Variants in KCNJ6 observed in about 807,000 individuals in gnomAD.
The protein encoded by KCNJ6 is potassium inwardly rectifying channel subfamily J member 6.
In KCNJ6, 9 loss-of-function variants were observed where a neutral mutation model predicts 34.2. The ratio of observed to expected loss-of-function variants is 0.26; its 90% CI spans 0.16 to 0.46. KCNJ6 has a LOEUF of 0.46. Ranked by LOEUF, KCNJ6 falls within the 20% of genes least tolerant of loss-of-function variation. The pLI, the probability that KCNJ6 is intolerant of heterozygous loss-of-function variation, is 1.00. For synonymous variants in KCNJ6, 196 were observed against 207.1 expected (o/e 0.95, Z 0.46); for missense variants, 236 against 531.3 (o/e 0.44, Z 5.46).
chr21:37,700,024 T>C (rs1242221239), intron 3 of KCNJ6, among the ~76,000 whole-genome samples: 1 of 152,178 alleles, frequency 6.6e-6, no homozygotes, highest in Non-Finnish European at 1.5e-5. Flanking sequence ...ACCTTATTTT[T>C]AGAAAAATCA....
intron 2 of KCNJ6, among the ~76,000 whole-genome samples, chr21:37,778,353 C>T (rs2123509466): frequency 6.6e-6 from 1 of 152,286 alleles, no homozygotes; most frequent in African/African-American, 2.4e-5. Flanking sequence ...AAAACTAGCT[C>T]TCCAAACATA....
At chr21:37,776,008 G>T (rs904310514) in intron 2 of KCNJ6, among the ~76,000 whole-genome samples, 1 of 152,176 alleles carries the variant, frequency 6.6e-6, no homozygotes, top group Non-Finnish European at 1.5e-5. Context: ...CCATTTGTTT[G>T]TATCGTCTTT....
At chr21:37,889,341 C>G (rs200941930) in intron 1 of KCNJ6, among the ~76,000 whole-genome samples, 1 of 152,260 alleles carries the variant, frequency 6.6e-6, no homozygotes, top group East Asian at 1.9e-4. Flanking sequence ...AAGAAACGAG[C>G]CTCAATGTTT....
chr21:37,637,808 T>TG (rs1412095283), intron 3 of KCNJ6, among the ~76,000 whole-genome samples: 1 of 152,184 alleles, frequency 6.6e-6, no homozygotes, highest in Non-Finnish European at 1.5e-5. Context: ...CAACAGAGCA[T>TG]GTGTACGCTC....
chr21:37,709,189 C>T (rs1270065828), intron 3 of KCNJ6, among the ~76,000 whole-genome samples: 1 of 152,176 alleles, frequency 6.6e-6, no homozygotes, highest in Non-Finnish European at 1.5e-5. Context: ...GAATTGAGGG[C>T]ACATTAATAC....
At chr21:37,629,917 T>C (rs2054326435) in intron 3 of KCNJ6, among the ~76,000 whole-genome samples, 1 of 151,584 alleles carries the variant, frequency 6.6e-6, no homozygotes, top group Non-Finnish European at 1.5e-5. Flanking sequence ...TAAAAAAGGA[T>C]AAAAAAGAAT....
At position 37,616,167 on chromosome 21, in the gene KCNJ6, AC is replaced by A. The variant is rs780033748; in HGVS notation, c.*8991del. On this transcript the variant is annotated 3_prime_UTR_variant, in exon 4 of 4. Transcript: ENST00000609713. ...GGTCCACACTGAGAGGCTGGGAGTTACCATGGCAGCCAAGCACATCCTCGGT... is the reference window on the plus strand; with the variant it reads ...GGTCCACACTGAGAGGCTGGGAGTTACATGGCAGCCAAGCACATCCTCGGT... 2.0e-5 allele frequency: 3 copies of A among 152,244 alleles called. No homozygotes were observed. The highest frequency in any genetic ancestry group is 2.9e-5 in the Non-Finnish European group (2 of 68,120). The allele number at this position is 152,244 out of a possible 1,614,324, so 9.4% of individuals were successfully genotyped here. A position where few individuals can be genotyped will look rare whatever the true frequency, so the allele number is the denominator to read the frequency against.
chr21:37,843,440 TG>T (rs1206897259), intron 1 of KCNJ6, among the ~76,000 whole-genome samples: 3 of 152,302 alleles, frequency 2.0e-5, no homozygotes, highest in East Asian at 1.9e-4. Context: ...TTGGTGTAAG[TG>T]GTTTAGTTAT....
intron 3 of KCNJ6, among the ~76,000 whole-genome samples, chr21:37,630,585 T>C (rs536212183): frequency 6.6e-6 from 1 of 152,294 alleles, no homozygotes; most frequent in African/African-American, 2.4e-5. Flanking sequence ...TCAGTCTGCA[T>C]ATGAAGGACC....
Position 37,616,924 on chromosome 21 carries a change from A to G in KCNJ6, c.*8235T>C, listed in dbSNP as rs2054270176. ...AGAGTTCCTTGCAGATAATAACGGG[A>G]CTTGAAATTGATGCCTTCATTTGGT... On this transcript the variant is annotated 3_prime_UTR_variant, in exon 4 of 4. Coordinates refer to ENST00000609713, the MANE Select transcript of KCNJ6 (RefSeq NM_002240.5). The G allele has an allele frequency of 6.6e-6, 1 of 151,896 alleles. No homozygotes were observed. Among genetic ancestry groups the G allele is most frequent in the Admixed American group, 6.6e-5 (1 of 15,260 alleles). The allele number at this position is 151,896 out of a possible 1,614,324, so 9.4% of individuals were successfully genotyped here.
intron 1 of KCNJ6, among the ~76,000 whole-genome samples, chr21:37,894,873 G>GT (rs199885201): frequency 1.2e-3 from 186 of 151,620 alleles, no homozygotes; most frequent in East Asian, 3.1e-3. Context: ...AGTCTCACCA[G>GT]TTTTTTTTTA....
intron 2 of KCNJ6, among the ~76,000 whole-genome samples, chr21:37,782,109 C>T (rs150233330): frequency 2.8e-4 from 42 of 151,884 alleles, no homozygotes; most frequent in Middle Eastern, 3.4e-3. Flanking sequence ...CAGAGAGAGA[C>T]GGATGGGGTG....
At chr21:37,819,142 T>C (rs2055362026) in intron 2 of KCNJ6, among the ~76,000 whole-genome samples, 1 of 152,228 alleles carries the variant, frequency 6.6e-6, no homozygotes, top group South Asian at 2.1e-4. Flanking sequence ...ACTTTACTTT[T>C]TGTTTACAGT....
intron 2 of KCNJ6, among the ~76,000 whole-genome samples, chr21:37,749,166 G>A (rs77601699): frequency 0.023 from 3,544 of 152,266 alleles, 129 homozygotes; most frequent in African/African-American, 0.08. Flanking sequence ...ATTTTCAGGT[G>A]ACAGGTGGGG....
intron 2 of KCNJ6, among the ~76,000 whole-genome samples, chr21:37,787,920 G>T (rs2123518908): frequency 6.6e-6 from 1 of 152,326 alleles, no homozygotes; most frequent in South Asian, 2.1e-4. Flanking sequence ...TAGGGTTGGA[G>T]AACCTCTACC....
intron 2 of KCNJ6, among the ~76,000 whole-genome samples, chr21:37,732,530 A>G (rs1333774884): frequency 6.6e-6 from 1 of 152,202 alleles, no homozygotes; most frequent in Admixed American, 6.5e-5. Context: ...CGGGGAAGCT[A>G]TTTCGGAAGA....
chr21:37,614,072 T>A lies in KCNJ6; in HGVS notation c.*11087A>T, dbSNP rs969330142. 1 of 152,060 alleles carries A rather than the reference T, an allele frequency of 6.6e-6. No individual in the cohort carries two copies. Among genetic ancestry groups the A allele is most frequent in the African/African-American group, 2.4e-5 (1 of 41,384 alleles). 9.4% of individuals were successfully genotyped at this position (152,060 alleles called of 1,614,324 possible). ...GTGAAGTTAATGCTGCTCTAAAAAA[T>A]AAAATTTATCAAGTTTTTAAAAAAG... On this transcript the variant is annotated 3_prime_UTR_variant, in exon 4 of 4. Coordinates refer to ENST00000609713, the MANE Select transcript of KCNJ6 (RefSeq NM_002240.5).
chr21:37,914,008 G>GGTGTGTGGGTGTGTGTGT (rs1555855559), intron 1 of KCNJ6, among the ~76,000 whole-genome samples: 49 of 135,580 alleles, frequency 3.6e-4, no homozygotes, highest in South Asian at 5.2e-4. Flanking sequence ...GGCGGATCGG[G>GGTGTGTGGGTGTGTGTGT]GTGTGTGTGT....
chr21:37,778,252 G>A (rs1158176546), intron 2 of KCNJ6, among the ~76,000 whole-genome samples: 2 of 152,086 alleles, frequency 1.3e-5, no homozygotes, highest in African/African-American at 4.8e-5. Flanking sequence ...CTCAAAGGAA[G>A]GATCTCTTCC....
Sources: allele counts gnomAD v4.1 joint callset (sites outside exome capture counted in the v4.1 genomes callset), GRCh38; gene constraint gnomAD v4.1.1; transcripts MANE v1.5; gene names NCBI Gene and HGNC (gene_info 2026-07-23, HGNC 2026-07-21).